HGD: variants seen among roughly 807,000 people sequenced by gnomAD.
HGD encodes homogentisate oxidase.
Under a neutral mutation model 60.8 loss-of-function variants are expected in HGD, and 61 were observed. The ratio of observed to expected loss-of-function variants is 1.00; its 90% CI spans 0.82 to 1.24. HGD has a LOEUF of 1.24. HGD is among the 50% of genes most tolerant of loss of function. The pLI is 0.00. For missense variants in HGD, 542 were observed against 547.1 expected, an observed-to-expected ratio of 0.99 and a Z score of 0.09; for synonymous variants, 212 against 187.7, an observed-to-expected ratio of 1.13 and a Z score of -1.06.
At position 120,641,575 on chromosome 3, in the gene HGD, G is replaced by A. The variant is rs779818928; in HGVS notation, c.879+14C>T. 5 of 1,569,710 alleles carry A rather than the reference G, an allele frequency of 3.2e-6. No homozygotes were observed. Among genetic ancestry groups the A allele is most frequent in the East Asian group, 2.2e-5 (1 of 44,668 alleles). On this transcript the variant is annotated intron_variant, in intron 11 of 13. Coordinates refer to ENST00000283871, the MANE Select transcript of HGD (RefSeq NM_000187.4). ...GTTGCCTCATCCCAAGGCCCCTACAGGGTTCAGACTTACTGCATGGTCAAA... is the reference window on the plus strand; with the variant it reads ...GTTGCCTCATCCCAAGGCCCCTACAAGGTTCAGACTTACTGCATGGTCAAA...
intron 4 of HGD, among the ~76,000 whole-genome samples, chr3:120,662,400 TC>T (rs1707793692): frequency 6.6e-6 from 1 of 151,874 alleles, no homozygotes; most frequent in Admixed American, 6.6e-5. Flanking sequence ...ACCAGAGAGA[TC>T]CTGAAAGCAC....
At chr3:120,677,287 C>G (rs544020465) in intron 1 of HGD, among the ~76,000 whole-genome samples, 1 of 152,340 alleles carries the variant, frequency 6.6e-6, no homozygotes, top group East Asian at 1.9e-4. Flanking sequence ...CCAGGCAGAA[C>G]AGAGCCATAT....
chr3:120,630,421 ACAGG>A lies in HGD; in HGVS notation c.1189-1896_1189-1893del, dbSNP rs999614100. On this transcript the variant is annotated intron_variant, in intron 13 of 13. Transcript: ENST00000283871. Reference sequence around the variant, plus strand: ...AAAACAGTGTGGTAATGATACAGAAACAGGCACATAGACCAATGGAACAGAATAG... The same window carrying A: ...AAAACAGTGTGGTAATGATACAGAAACACATAGACCAATGGAACAGAATAG... Among the ~76,000 whole-genome samples the A allele has an allele frequency of 5.9e-5, 9 of 152,278 alleles. No individual in the cohort carries two copies. In the East Asian group the frequency reaches 7.7e-4, roughly 13 times the overall value.
chr3:120,640,065 A>G (rs1246450274), intron 11 of HGD, among the ~76,000 whole-genome samples: 1 of 151,842 alleles, frequency 6.6e-6, no homozygotes, highest in East Asian at 1.9e-4. Flanking sequence ...GGAAGGCTTC[A>G]AAGAGGAGGT....
intron 12 of HGD, among the ~76,000 whole-genome samples, chr3:120,637,390 T>A (rs1025326151): frequency 6.6e-6 from 1 of 152,056 alleles, no homozygotes; most frequent in Non-Finnish European, 1.5e-5. Flanking sequence ...GTTAGTTTTT[T>A]AAAAAACTTG....
Position 120,675,752 on chromosome 3 carries a change from T to C in HGD, c.87+40A>G, listed in dbSNP as rs553822060. 5.3e-6 allele frequency: 8 copies of C among 1,502,926 alleles called. No homozygotes were observed. The South Asian group carries it at 7.9e-5, about 15-fold the overall frequency. The allele number at this position is 1,502,926 out of a possible 1,614,324, so 93.1% of individuals were successfully genotyped here. On this transcript the variant is annotated intron_variant, in intron 2 of 13. Coordinates refer to ENST00000283871, the MANE Select transcript of HGD (RefSeq NM_000187.4). ...GGCCTGAAAGCTAGTCATCCAGGAA[T>C]AGGATTCAGAGCTCTTCTAAGCACT...
chr3:120,647,785 G>A, intron 7 of HGD, 92 bp downstream of exon 7: 1 of 1,022,542 alleles, frequency 9.8e-7, no homozygotes, highest in Non-Finnish European at 1.6e-6. Context: ...ACAGATTGGA[G>A]AATGAAGGAA....
At chr3:120,678,026 T>C (rs557346767) in intron 1 of HGD, 3 of 152,346 alleles carry the variant, frequency 2.0e-5, no homozygotes, top group African/African-American at 7.2e-5. Flanking sequence ...GTGAATGTTA[T>C]GACCTAGGAA....
At chr3:120,646,881 G>T (rs2551629) in intron 8 of HGD, 92 bp downstream of exon 8, 2 of 1,058,060 alleles carry the variant, frequency 1.9e-6, no homozygotes, top group East Asian at 2.4e-5. Flanking sequence ...ACATGACAGA[G>T]AAATTTTAGA....
chr3:120,652,537 A>C, intron 5 of HGD, 55 bp downstream of exon 5: 9 of 1,356,200 alleles, frequency 6.6e-6, no homozygotes, highest in Non-Finnish European at 9.5e-6. Flanking sequence ...TGGTTGGCTC[A>C]CTCACCACAG....
intron 3 of HGD, among the ~76,000 whole-genome samples, chr3:120,672,427 C>T (rs1388626127): frequency 6.6e-6 from 1 of 152,140 alleles, no homozygotes; most frequent in Non-Finnish European, 1.5e-5. Flanking sequence ...TGACAAAATA[C>T]AGAAGGACAA....
At chr3:120,647,791 AG>A in intron 7 of HGD, 85 bp downstream of exon 7, 1 of 1,055,024 alleles carries the variant, frequency 9.5e-7, no homozygotes, top group South Asian at 1.3e-5. Context: ...TGGAGAATGA[AG>A]GAAAATAATG....
intron 10 of HGD, among the ~76,000 whole-genome samples, chr3:120,643,198 G>A (rs1452083958): frequency 1.3e-5 from 2 of 152,132 alleles, no homozygotes; most frequent in African/African-American, 4.8e-5. Context: ...ATCTTGGCTC[G>A]CTGCAACCTC....
In HGD at chr3:120,647,055, G is replaced by T; in HGVS notation, c.470-3C>A. On this transcript the variant is annotated splice_region_variant and splice_polypyrimidine_tract_variant and intron_variant, in intron 7 of 13. Transcript: ENST00000283871. The stretch of plus-strand genomic sequence containing the variant: ...GAGAAGGTTCCCTTTCTGCGGAACT[G>T]ACAAAAAAAGACAGGGCAGTGGTGA... 2 of 1,612,204 alleles carry T rather than the reference G, an allele frequency of 1.2e-6. No homozygotes were observed. The highest frequency in any genetic ancestry group is 2.2e-5 in the South Asian group (2 of 91,038).
intron 3 of HGD, among the ~76,000 whole-genome samples, chr3:120,671,246 G>C (rs187526979): frequency 7.4e-4 from 112 of 152,212 alleles, no homozygotes; most frequent in Non-Finnish European, 1.2e-3. Flanking sequence ...ACGTGTGAGA[G>C]TGCCTGGTCA....
rs1375237386 is a variant in HGD at position 120,670,521 on chromosome 3, C to T, written c.188G>A (p.Arg63Lys). 2 of 1,590,154 alleles carry T rather than the reference C, an allele frequency of 1.3e-6. No individual in the cohort carries two copies. Among genetic ancestry groups the T allele is most frequent in the East Asian group, 2.2e-5 (1 of 44,784 alleles). The change falls in exon 4 of 14, where the codon AGG becomes AAG. Residue 63 changes from arginine to lysine, a missense_variant. By Grantham distance (26) the Arg-to-Lys change is conservative. Around this residue, in one of 2 missense-constraint regions of HGD, gnomAD observed 537 missense variants for 529.1 expected, o/e 1.01. Coordinates refer to ENST00000283871, the MANE Select transcript of HGD (RefSeq NM_000187.4). ...CTTGTGAGAAACTGAAGGTAGAATC[C>T]TATACAGCCAGCTAGAGGGAAAAAC... ...RSTNKRSWLYRILPSVSHKPF... is the reference protein window; with the variant it reads ...RSTNKRSWLYKILPSVSHKPF...
intron 4 of HGD, among the ~76,000 whole-genome samples, chr3:120,654,685 G>A (rs1941440820): frequency 6.6e-6 from 1 of 152,226 alleles, no homozygotes; most frequent in Non-Finnish European, 1.5e-5. Context: ...GGGAAAGAAA[G>A]AAGAGAGAGA....
intron 4 of HGD, among the ~76,000 whole-genome samples, chr3:120,664,426 C>CTTTTTTTTTTTTTTTTTT (rs71133513): frequency 1.7e-5 from 2 of 118,820 alleles, no homozygotes; most frequent in South Asian, 2.7e-4. Flanking sequence ...TTTTTTCTTC[C>CTTTTTTTTTTTTTTTTTT]TTTTTTTTTT....
intron 9 of HGD, among the ~76,000 whole-genome samples, chr3:120,644,905 C>G (rs1478466858): frequency 6.6e-6 from 1 of 152,182 alleles, no homozygotes; most frequent in Non-Finnish European, 1.5e-5. Context: ...AGACAGAACT[C>G]AGATTCCAGT....
Sources: gnomAD v4.1 joint callset for allele counts (sites outside exome capture counted in the v4.1 genomes callset) on GRCh38, gnomAD v4.1.1 for gene constraint, gnomAD v4.1.1 regional missense constraint, MANE v1.5 for transcripts, NCBI Gene and HGNC (gene_info 2026-07-23, HGNC 2026-07-21) for gene names.